ACTR3C: variants seen among roughly 807,000 people sequenced by gnomAD.
The protein encoded by ACTR3C is actin-related protein 3C.
In ACTR3C, 18 loss-of-function variants were observed where a neutral mutation model predicts 26.3. That is an observed-to-expected ratio of 0.68 (90% CI 0.47 to 1.01). The LOEUF is 1.01. Ranked by LOEUF, ACTR3C falls within the 50% of genes least tolerant of loss-of-function variation. The pLI is 0.00. For missense variants in ACTR3C, 184 were observed against 250.7 expected (o/e 0.73, Z 1.80); for synonymous variants, 55 against 94.5 (o/e 0.58, Z 2.42).
chr7:150,039,135 C>T, the ACTR3C span, among the ~76,000 whole-genome samples: 706 of 141,444 alleles, frequency 5.0e-3, no homozygotes, highest in African/African-American at 0.018. Context: ...GATCAACGAT[C>T]GGGGGTCCTA....
the ACTR3C span, among the ~76,000 whole-genome samples, chr7:149,920,824 T>C: frequency 1.3e-5 from 2 of 151,968 alleles, no homozygotes; most frequent in African/African-American, 4.9e-5. Context: ...TGAAGTGCAA[T>C]GTCATGATCT....
At chr7:150,240,937 G>C (rs1832143895), downstream of ACTR3C, among the ~76,000 whole-genome samples, 1 of 152,020 alleles carries the variant, frequency 6.6e-6, no homozygotes, top group African/African-American at 2.4e-5. Context: ...AAATTTAAAA[G>C]TACCACATAC....
At chr7:150,304,106 G>T (rs1324838092) in intron 1 of ACTR3C, among the ~76,000 whole-genome samples, 1 of 152,338 alleles carries the variant, frequency 6.6e-6, no homozygotes, top group South Asian at 2.1e-4. Flanking sequence ...TAGGAGAGGA[G>T]GCGACAATAT....
the ACTR3C span, among the ~76,000 whole-genome samples, chr7:150,127,668 TG>T: frequency 1.3e-5 from 2 of 149,794 alleles, no homozygotes; most frequent in Non-Finnish European, 2.9e-5. Flanking sequence ...TTTATTGTAC[TG>T]TTTTTTTTCT....
At chr7:149,967,100 T>G in the ACTR3C span, among the ~76,000 whole-genome samples, 1 of 131,020 alleles carries the variant, frequency 7.6e-6, no homozygotes, top group South Asian at 2.8e-4. Context: ...AGTGGCACAA[T>G]CTCAGCTCAC....
At chr7:150,184,357 T>C in the ACTR3C span, among the ~76,000 whole-genome samples, 3,718 of 150,918 alleles carry the variant, frequency 0.025, 424 homozygotes, top group African/African-American at 0.089. Context: ...GTATCGCACA[T>C]GGCGTTAAAG....
the ACTR3C span, among the ~76,000 whole-genome samples, chr7:150,222,768 G>A: frequency 6.6e-6 from 1 of 152,170 alleles, no homozygotes; most frequent in African/African-American, 2.4e-5. Flanking sequence ...TAAGAAAGAT[G>A]CTGTTGATGT....
chr7:150,315,850 C>T (rs1456863043), intron 1 of ACTR3C, among the ~76,000 whole-genome samples: 1 of 151,426 alleles, frequency 6.6e-6, no homozygotes, highest in Non-Finnish European at 1.5e-5. Flanking sequence ...TTTCACTTAA[C>T]GATGTATCCT....
At chr7:149,907,255 C>T in the ACTR3C span, among the ~76,000 whole-genome samples, 5 of 103,494 alleles carry the variant, frequency 4.8e-5, no homozygotes, top group Admixed American at 1.1e-4. Flanking sequence ...TCTCCACACC[C>T]CCACAGCACC....
chr7:150,079,341 C>T, the ACTR3C span, among the ~76,000 whole-genome samples: 2 of 152,186 alleles, frequency 1.3e-5, no homozygotes, highest in Non-Finnish European at 1.5e-5. Context: ...CATTTTATGA[C>T]TTCCTGTCCT....
intron 6 of ACTR3C, among the ~76,000 whole-genome samples, chr7:150,261,087 T>C (rs1161048545): frequency 6.6e-6 from 1 of 152,236 alleles, no homozygotes; most frequent in Non-Finnish European, 1.5e-5. Flanking sequence ...CTGTATTTAA[T>C]GTGGTGGATA....
chr7:150,236,022 A>G, the ACTR3C span, among the ~76,000 whole-genome samples: 3 of 151,616 alleles, frequency 2.0e-5, no homozygotes, highest in East Asian at 3.8e-4. Flanking sequence ...ACTTTCTACC[A>G]TCTTTCAGAA....
At chr7:150,223,746 G>A in the ACTR3C span, among the ~76,000 whole-genome samples, 2 of 152,140 alleles carry the variant, frequency 1.3e-5, no homozygotes, top group South Asian at 4.1e-4. Context: ...AAACATGAAG[G>A]TTTTAAACAA....
the ACTR3C span, among the ~76,000 whole-genome samples, chr7:150,220,691 T>C: frequency 1.3e-5 from 2 of 152,150 alleles, no homozygotes; most frequent in African/African-American, 2.4e-5. Context: ...AGGACTAGGC[T>C]CTTTCCTGCG....
At chr7:150,141,594 G>A in the ACTR3C span, among the ~76,000 whole-genome samples, 120 of 151,878 alleles carry the variant, frequency 7.9e-4, no homozygotes, top group African/African-American at 2.7e-3. Flanking sequence ...CAGAAGCATC[G>A]GATGGGAACG....
chr7:150,039,646 C>A, the ACTR3C span, among the ~76,000 whole-genome samples: 1 of 146,890 alleles, frequency 6.8e-6, no homozygotes, highest in African/African-American at 2.5e-5. Flanking sequence ...ACCCACAGTC[C>A]TCCAGGTGGG....
At chr7:150,298,792 T>C (rs545583529) in intron 1 of ACTR3C, among the ~76,000 whole-genome samples, 4 of 148,380 alleles carry the variant, frequency 2.7e-5, no homozygotes, top group African/African-American at 1.0e-4. Context: ...GTCAACATTG[T>C]CTGTATCAGA....
chr7:150,286,457 G>A lies in ACTR3C; in HGVS notation c.381C>T (p.Tyr127=), dbSNP rs754265501. 1 of 1,612,830 alleles carries A rather than the reference G, an allele frequency of 6.2e-7. No individual in the cohort carries two copies. Among genetic ancestry groups the A allele is most frequent in the African/African-American group, 1.3e-5 (1 of 74,168 alleles). ...TCTGGTTGATCGCATTGATACCCGT[G>A]TACTGTTTGATCCACTTCTGGGGAT... ...DVDPQKWIKQ[Y]TGINAINQKK... The change falls in exon 5 of 8, where the codon TAC becomes TAT. Residue 127 remains tyrosine, a synonymous_variant. Coordinates refer to ENST00000683684, the MANE Select transcript of ACTR3C (RefSeq NM_001164458.2).
chr7:150,276,497 T>C (rs2373757), intron 6 of ACTR3C, among the ~76,000 whole-genome samples: 3 of 152,212 alleles, frequency 2.0e-5, no homozygotes, highest in Admixed American at 6.5e-5. Context: ...AACCCAGAGA[T>C]TGCAATCCCA....
Sources: gnomAD v4.1 joint callset for allele counts (sites outside exome capture counted in the v4.1 genomes callset) on GRCh38, gnomAD v4.1.1 for gene constraint, MANE v1.5 for transcripts, NCBI Gene and HGNC (gene_info 2026-07-23, HGNC 2026-07-21) for gene names.